Variants in CDKL3 observed in about 807,000 individuals in gnomAD.
CDKL3 encodes cyclin-dependent kinase-like 3.
In CDKL3, 65 loss-of-function variants were observed where a neutral mutation model predicts 69.3. The observed-to-expected ratio is 0.94, with a 90% CI of 0.77 to 1.15. The LOEUF is 1.15. Among genes scored for constraint, CDKL3 ranks in the 50% most tolerant of loss-of-function variants. CDKL3 has a pLI of 0.00. For synonymous variants in CDKL3, 202 were observed against 221.6 expected (o/e 0.91, Z 0.79); for missense variants, 652 against 689.2 (o/e 0.95, Z 0.61).
chr5:134,363,586 G>A (rs951539892), intron 2 of CDKL3, among the ~76,000 whole-genome samples: 2 of 149,676 alleles, frequency 1.3e-5, no homozygotes, highest in Non-Finnish European at 3.0e-5. Flanking sequence ...TCAGCCTCCC[G>A]AGTAGCTGGG....
At chr5:134,364,297 TG>T (rs987732656) in intron 2 of CDKL3, among the ~76,000 whole-genome samples, 4 of 152,222 alleles carry the variant, frequency 2.6e-5, no homozygotes, top group Non-Finnish European at 4.4e-5. Context: ...TCTTCTTCCC[TG>T]ATCTCTCCTG....
At chr5:134,346,500 C>CT (rs1751907657) in intron 4 of CDKL3, among the ~76,000 whole-genome samples, 1 of 151,992 alleles carries the variant, frequency 6.6e-6, no homozygotes, top group Non-Finnish European at 1.5e-5. Flanking sequence ...AAGGTATTAC[C>CT]TTTTTTTGTT....
upstream of CDKL3, chr5:134,371,369 G>A (rs1319299838): frequency 1.6e-6 from 1 of 642,890 alleles, no homozygotes; most frequent in East Asian, 2.8e-5. Context: ...GCGCTCCCGC[G>A]TCCCGCCCCC....
intron 4 of CDKL3, among the ~76,000 whole-genome samples, chr5:134,331,706 T>C (rs1416061116): frequency 1.3e-5 from 2 of 152,222 alleles, no homozygotes; most frequent in African/African-American, 4.8e-5. Context: ...CTATTATTGA[T>C]GGACATTTGG....
At chr5:134,316,725 C>T (rs549109710) in intron 6 of CDKL3, among the ~76,000 whole-genome samples, 15 of 152,170 alleles carry the variant, frequency 9.9e-5, no homozygotes, top group East Asian at 9.6e-4. Flanking sequence ...TGAAATACTA[C>T]GCAATCACTG....
At chr5:134,322,113 A>G (rs1327009718) in intron 4 of CDKL3, among the ~76,000 whole-genome samples, 2 of 152,102 alleles carry the variant, frequency 1.3e-5, no homozygotes, top group Admixed American at 1.3e-4. Flanking sequence ...CTCCGGGTTC[A>G]AGCAATTCTC....
At position 134,363,712 on chromosome 5, in the gene CDKL3, C is replaced by T. The variant is rs535190799; in HGVS notation, c.165+2647G>A. Among the ~76,000 whole-genome samples, 7 of 152,180 alleles carry T rather than the reference C, an allele frequency of 4.6e-5. No homozygotes were observed. In the South Asian group the frequency reaches 1.5e-3, roughly 32 times the overall value. On this transcript the variant is annotated intron_variant, in intron 2 of 12. Coordinates refer to ENST00000265334, the MANE Select transcript of CDKL3 (RefSeq NM_001113575.2). ...CTGAGCTCAGGCAATCCGCCCGCCT[C>T]GGCCTCCCAAAGTGCTAGGATTACT...
intron 8 of CDKL3, among the ~76,000 whole-genome samples, chr5:134,290,081 C>G (rs555544317): frequency 6.6e-6 from 1 of 152,030 alleles, no homozygotes; most frequent in Admixed American, 6.6e-5. Flanking sequence ...CTTGGCCAGG[C>G]GCAGTGGCTC....
At chr5:134,343,202 C>CAA (rs1260398112) in intron 4 of CDKL3, among the ~76,000 whole-genome samples, 4 of 81,440 alleles carry the variant, frequency 4.9e-5, no homozygotes, top group South Asian at 3.6e-4. Flanking sequence ...GAGATCTTGT[C>CAA]AAAAAAAAAA....
chr5:134,291,572 C>T (rs543151069), intron 8 of CDKL3, among the ~76,000 whole-genome samples: 19 of 152,186 alleles, frequency 1.2e-4, no homozygotes, highest in Admixed American at 1.1e-3. Context: ...GTCAGGAGTT[C>T]GAGACGAGCC....
In CDKL3 at chr5:134,298,489, GA is replaced by G; in HGVS notation, c.*161del. On this transcript the variant is annotated 3_prime_UTR_variant, in exon 13 of 13. Transcript: ENST00000265334. ...ATCACATCAACAGAGTCTTAAAAGGGAAAAGAAAACAGTAAATGTTTTGCTA... is the reference window on the plus strand; with the variant it reads ...ATCACATCAACAGAGTCTTAAAAGGGAAAGAAAACAGTAAATGTTTTGCTA... 1 of 1,410,262 alleles carries G rather than the reference GA, an allele frequency of 7.1e-7. No individual in the cohort carries two copies. Among genetic ancestry groups the G allele is most frequent in the Non-Finnish European group, 9.2e-7 (1 of 1,087,168 alleles). The allele number at this position is 1,410,262 out of a possible 1,614,324, so 87.4% of individuals were successfully genotyped here. A position where few individuals can be genotyped will look rare whatever the true frequency, so the allele number is the denominator to read the frequency against.
chr5:134,352,586 C>T (rs188746931), intron 3 of CDKL3, among the ~76,000 whole-genome samples: 92 of 152,182 alleles, frequency 6.0e-4, no homozygotes, highest in African/African-American at 2.1e-3. Context: ...CATGTGTGAG[C>T]CACTGCACCC....
At chr5:134,306,452 G>A (rs147263328) in intron 10 of CDKL3, among the ~76,000 whole-genome samples, 157 bp downstream of exon 10, 11,970 of 151,948 alleles carry the variant, frequency 0.079, 574 homozygotes, top group South Asian at 0.16. Context: ...AGCTGAGATC[G>A]TACCACTGCA....
At chr5:134,326,957 A>C (rs1377922216) in intron 4 of CDKL3, among the ~76,000 whole-genome samples, 1 of 151,302 alleles carries the variant, frequency 6.6e-6, no homozygotes, top group Admixed American at 6.6e-5. Flanking sequence ...CAGTATAAGA[A>C]AGATGAGTCT....
chr5:134,323,369 ATATTGACAATTGATTGCAAAGT>A (rs1773301830), intron 4 of CDKL3, among the ~76,000 whole-genome samples: 1 of 152,236 alleles, frequency 6.6e-6, no homozygotes, highest in South Asian at 2.1e-4. Flanking sequence ...TGTTTTGTAG[ATATTGACAATTGATTGCAAAGT>A]TTATATGGAG....
At chr5:134,343,849 G>A (rs1023953480) in intron 4 of CDKL3, among the ~76,000 whole-genome samples, 2 of 152,076 alleles carry the variant, frequency 1.3e-5, no homozygotes, top group Non-Finnish European at 2.9e-5. Flanking sequence ...AATGCCCAAG[G>A]AGACTGATTT....
At chr5:134,357,244 T>G (rs1754842896) in intron 3 of CDKL3, among the ~76,000 whole-genome samples, 1 of 151,752 alleles carries the variant, frequency 6.6e-6, no homozygotes, top group East Asian at 1.9e-4. Context: ...AGGAGTTTGA[T>G]ATCAGCCTGA....
At chr5:134,349,303 A>C (rs534791380) in intron 4 of CDKL3, among the ~76,000 whole-genome samples, 10 of 152,306 alleles carry the variant, frequency 6.6e-5, no homozygotes, top group African/African-American at 2.4e-4. Flanking sequence ...GTATTAAATT[A>C]CATACTTTTA....
intron 4 of CDKL3, among the ~76,000 whole-genome samples, chr5:134,323,748 T>C (rs796147800): frequency 2.6e-5 from 4 of 152,252 alleles, no homozygotes; most frequent in African/African-American, 4.8e-5. Flanking sequence ...AATGCAAAAC[T>C]GTAAAACCTC....
Sources: allele counts gnomAD v4.1 joint callset (sites outside exome capture counted in the v4.1 genomes callset), GRCh38; gene constraint gnomAD v4.1.1; transcripts MANE v1.5; gene names NCBI Gene and HGNC (gene_info 2026-07-23, HGNC 2026-07-21).